KDM1B: variants seen among roughly 807,000 people sequenced by gnomAD.
KDM1B encodes the protein lysine-specific histone demethylase 2.
Under a neutral mutation model 107.4 loss-of-function variants are expected in KDM1B, and 63 were observed. The ratio of observed to expected loss-of-function variants is 0.59; its 90% CI spans 0.48 to 0.72. The LOEUF is 0.72. Among genes scored for constraint, KDM1B ranks in the 30% least tolerant of loss-of-function variants. The probability of loss-of-function intolerance (pLI) is 0.00; values close to 1 mark genes in which losing one functional copy is unlikely to be tolerated. For missense variants in KDM1B, 749 were observed against 1,020.8 expected (o/e 0.73, Z 3.63); for synonymous variants, 363 against 363.9 (o/e 1.00, Z 0.03).
rs1322048783 is a variant in KDM1B at position 18,209,690 on chromosome 6, C to T, written c.1866+1484C>T. ...GCACAGTCATAGCTCACTGTAGCCT[C>T]GAGCAACTGGGTTCAAGGGATCCTC... On this transcript the variant is annotated intron_variant, in intron 17 of 21. Transcript: ENST00000650836. The surrounding 1 kb of genome is among the most constrained non-coding windows in gnomAD (Gnocchi z 4.3). Among the ~76,000 whole-genome samples, 2 of 152,080 alleles carry T rather than the reference C, an allele frequency of 1.3e-5. No homozygotes were observed. Among genetic ancestry groups the T allele is most frequent in the Non-Finnish European group, 2.9e-5 (2 of 68,006 alleles).
intron 10 of KDM1B, among the ~76,000 whole-genome samples, chr6:18,196,233 A>G (rs1302545232): frequency 6.6e-6 from 1 of 152,190 alleles, no homozygotes; most frequent in Non-Finnish European, 1.5e-5. Flanking sequence ...TTCATCCATC[A>G]GTGGACTCCA....
Position 18,215,096 on chromosome 6 carries a change from C to A in KDM1B, c.2199C>A (p.Cys733Ter). 6.2e-7 allele frequency: 1 copy of A among 1,613,552 alleles called. No homozygotes were observed. Among genetic ancestry groups the A allele is most frequent in the Non-Finnish European group, 8.5e-7 (1 of 1,179,926 alleles). Residue 733 changes from cysteine to a stop codon, truncating the protein, a stop_gained, in exon 20 of 22, where the codon TGC becomes TGA. Coordinates refer to ENST00000650836, the MANE Select transcript of KDM1B (RefSeq NM_001364614.2). LOFTEE classifies it high-confidence loss of function. ...TLDDKQVLQQ[C>*]MATLRELFKE... Reference sequence around the variant, plus strand: ...ATGACAAACAGGTGCTGCAGCAGTGCATGGCCACGCTCCGGGAGCTGTTCA... The same window carrying A: ...ATGACAAACAGGTGCTGCAGCAGTGAATGGCCACGCTCCGGGAGCTGTTCA...
Position 18,213,575 on chromosome 6 carries a change from A to G in KDM1B, c.1984-81A>G, listed in dbSNP as rs1789014511. Reference sequence around the variant, plus strand: ...GGGCAGTGTCTTTGTTTTAGAGTAGAGCTACAGGTTGCTGCTTAGATATTG... The same window carrying G: ...GGGCAGTGTCTTTGTTTTAGAGTAGGGCTACAGGTTGCTGCTTAGATATTG... On this transcript the variant is annotated intron_variant, in intron 18 of 21. Transcript: ENST00000650836. This position sits in a 1 kb window ranked among gnomAD's most constrained non-coding sequence, Gnocchi z 5.9. 7.0e-7 allele frequency: 1 copy of G among 1,430,882 alleles called. No individual in the cohort carries two copies. Among genetic ancestry groups the G allele is most frequent in the Non-Finnish European group, 9.8e-7 (1 of 1,018,490 alleles). The allele number at this position is 1,430,882 out of a possible 1,614,324, so 88.6% of individuals were successfully genotyped here. A position where few individuals can be genotyped will look rare whatever the true frequency, so the allele number is the denominator to read the frequency against.
intron 6 of KDM1B, among the ~76,000 whole-genome samples, chr6:18,167,453 T>C (rs992860591): frequency 2.0e-5 from 3 of 152,194 alleles, no homozygotes; most frequent in African/African-American, 4.8e-5. Context: ...TGTTGAAATA[T>C]ACCACCATTT....
In KDM1B at chr6:18,162,425, T is replaced by A. The variant is rs1785030814; in HGVS notation, c.216-410T>A. 6.6e-6 allele frequency among the ~76,000 whole-genome samples: 1 copy of A among 152,200 alleles called. No homozygotes were observed. Among genetic ancestry groups the A allele is most frequent in the Admixed American group, 6.5e-5 (1 of 15,270 alleles). Reference sequence around the variant, plus strand: ...GCTATATTATCAACTGTTTGACAAGTTATCTTTGCCAAATTGCCTGCTTGA... The same window carrying A: ...GCTATATTATCAACTGTTTGACAAGATATCTTTGCCAAATTGCCTGCTTGA... On this transcript the variant is annotated intron_variant, in intron 4 of 21. Coordinates refer to ENST00000650836, the MANE Select transcript of KDM1B (RefSeq NM_001364614.2). This position sits in a 1 kb window ranked among gnomAD's most constrained non-coding sequence, Gnocchi z 4.1.
chr6:18,208,087 C>T (rs561566874), intron 16 of KDM1B, 45 bp from the exon 17 acceptor site: 74 of 1,358,710 alleles, frequency 5.4e-5, no homozygotes, highest in Admixed American at 1.3e-4. Context: ...TCCTGGATCA[C>T]GTGGTTCCAT....
At chr6:18,202,354 C>T (rs967555291) in intron 14 of KDM1B, among the ~76,000 whole-genome samples, 2 of 151,840 alleles carry the variant, frequency 1.3e-5, no homozygotes, top group Admixed American at 1.3e-4. Context: ...GAGCTATGAT[C>T]CCACCACTGC....
intron 7 of KDM1B, among the ~76,000 whole-genome samples, chr6:18,183,547 A>C (rs1200016552): frequency 6.6e-6 from 1 of 152,014 alleles, no homozygotes; most frequent in Non-Finnish European, 1.5e-5. Context: ...GATGTGAGCC[A>C]CCACGCCGGG....
At position 18,162,883 on chromosome 6, in the gene KDM1B, G is replaced by A. The variant is rs779710690; in HGVS notation, c.264G>A (p.Gly88=). ...YTSRWYHLSC[G]EHFCNECFDH... is the part of the protein sequence containing the mutation. ...CCCGATGGTATCATCTCTCCTGTGG[G>A]GAACATTTCTGTAATGAATGCTTTG... Residue 88 remains glycine, a synonymous_variant, in exon 5 of 22, where the codon GGG becomes GGA. Transcript: ENST00000650836. This position sits in a 1 kb window ranked among gnomAD's most constrained non-coding sequence, Gnocchi z 4.1. 6.2e-6 allele frequency: 10 copies of A among 1,612,472 alleles called. No individual in the cohort carries two copies. In the South Asian group the frequency reaches 8.8e-5, roughly 14 times the overall value.
In KDM1B at chr6:18,197,967, C is replaced by T. The variant is rs1787761326; in HGVS notation, c.1221+306C>T. Among the ~76,000 whole-genome samples, 1 of 150,354 alleles carries T rather than the reference C, an allele frequency of 6.7e-6. No homozygotes were observed. Among genetic ancestry groups the T allele is most frequent in the African/African-American group, 2.5e-5 (1 of 40,702 alleles). On this transcript the variant is annotated intron_variant, in intron 12 of 21. Coordinates refer to ENST00000650836, the MANE Select transcript of KDM1B (RefSeq NM_001364614.2). This position sits in a 1 kb window ranked among gnomAD's most constrained non-coding sequence, Gnocchi z 4.5. ...TTGAGACAGAGTCTTGCTCTGTCGC[C>T]CAGGCTGGAGTGCAGCAGTGCGATC... is the stretch of plus-strand genomic sequence containing the variant.
chr6:18,212,269 T>C lies in KDM1B; in HGVS notation c.1867-219T>C. ...CTCTGCTGACTCTTCTTATCTAAGATGATTATTCACCATCAGGACGTTTTT... is the reference window on the plus strand; with the variant it reads ...CTCTGCTGACTCTTCTTATCTAAGACGATTATTCACCATCAGGACGTTTTT... On this transcript the variant is annotated intron_variant, in intron 17 of 21. Coordinates refer to ENST00000650836, the MANE Select transcript of KDM1B (RefSeq NM_001364614.2). This position sits in a 1 kb window ranked among gnomAD's most constrained non-coding sequence, Gnocchi z 5.2. 1.8e-6 allele frequency: 1 copy of C among 559,210 alleles called. No individual in the cohort carries two copies. Among genetic ancestry groups the C allele is most frequent in the South Asian group, 2.0e-5 (1 of 49,736 alleles). The allele number at this position is 559,210 out of a possible 1,614,324, so 34.6% of individuals were successfully genotyped here. A position where few individuals can be genotyped will look rare whatever the true frequency, so the allele number is the denominator to read the frequency against.
At position 18,200,185 on chromosome 6, in the gene KDM1B, A is replaced by G. The variant is rs79777313; in HGVS notation, c.1222-254A>G. 4.5e-4 allele frequency among the ~76,000 whole-genome samples: 68 copies of G among 152,300 alleles called. No homozygotes were observed. The highest frequency in any genetic ancestry group is 8.8e-4 in the Non-Finnish European group (60 of 68,016). ...TATCGCATCTGGCCTAGTTCATCAA[A>G]TCTTAGTATCTGGTTTGAGTGATTC... On this transcript the variant is annotated intron_variant, in intron 12 of 21. Transcript: ENST00000650836. The surrounding 1 kb of genome is among the most constrained non-coding windows in gnomAD (Gnocchi z 4.3).
At chr6:18,164,707 G>A (rs1375427384) in intron 5 of KDM1B, among the ~76,000 whole-genome samples, 38 of 152,012 alleles carry the variant, frequency 2.5e-4, no homozygotes, top group Non-Finnish European at 1.5e-5. Flanking sequence ...GTGCAGTGGC[G>A]TGATCTTGGC....
In KDM1B at chr6:18,205,751, T is replaced by G. The variant is rs904964905; in HGVS notation, c.1659+87T>G. The G allele has an allele frequency of 8.3e-5, 107 of 1,293,944 alleles. No homozygotes were observed. Among genetic ancestry groups the G allele is most frequent in the Non-Finnish European group, 1.1e-4 (107 of 995,582 alleles). 80.2% of individuals were successfully genotyped at this position (1,293,944 alleles called of 1,614,324 possible). ...GCTCACGCCTGTAATCCCAGCACTT[T>G]GGGAGGCCGAGGTGGGCAGATCATG... On this transcript the variant is annotated intron_variant, in intron 15 of 21. Coordinates refer to ENST00000650836, the MANE Select transcript of KDM1B (RefSeq NM_001364614.2). The surrounding 1 kb of genome is among the most constrained non-coding windows in gnomAD (Gnocchi z 5.7).
intron 17 of KDM1B, 91 bp downstream of exon 17, chr6:18,208,297 C>A: frequency 2.2e-6 from 2 of 895,816 alleles, no homozygotes; most frequent in Non-Finnish European, 3.6e-6. Context: ...AGGAGTTTGC[C>A]TTTGGGAATC....
At chr6:18,194,553 T>G (rs1787518861) in intron 10 of KDM1B, among the ~76,000 whole-genome samples, 1 of 152,214 alleles carries the variant, frequency 6.6e-6, no homozygotes, top group Non-Finnish European at 1.5e-5. Flanking sequence ...CAAACCTCCC[T>G]TTGTTCTTAC....
intron 2 of KDM1B, among the ~76,000 whole-genome samples, chr6:18,157,223 G>A (rs1784675337): frequency 6.6e-6 from 1 of 152,170 alleles, no homozygotes; most frequent in Non-Finnish European, 1.5e-5. Context: ...GACCCAGCAA[G>A]TGGAGATATA....
chr6:18,192,473 C>T (rs1787341991), intron 10 of KDM1B, among the ~76,000 whole-genome samples: 1 of 152,134 alleles, frequency 6.6e-6, no homozygotes, highest in Non-Finnish European at 1.5e-5. Flanking sequence ...GCTGTTAATG[C>T]AACTATATGA....
At chr6:18,221,116 T>A (rs976690195) in intron 21 of KDM1B, among the ~76,000 whole-genome samples, 1 of 152,146 alleles carries the variant, frequency 6.6e-6, no homozygotes, top group African/African-American at 2.4e-5. Flanking sequence ...ATATTCCTGC[T>A]GATGTAATCA....
Sources: gnomAD v4.1 joint callset for allele counts (sites outside exome capture counted in the v4.1 genomes callset) on GRCh38, gnomAD v4.1.1 for gene constraint, Gnocchi (gnomAD v3.1) non-coding constraint, MANE v1.5 for transcripts, NCBI Gene and HGNC (gene_info 2026-07-23, HGNC 2026-07-21) for gene names.